The following RABEP1 variants were observed in gnomAD, a reference collection of about 807,000 sequenced individuals.
RABEP1 encodes the protein rabaptin, RAB GTPase binding effector protein 1.
Under a neutral mutation model 123.4 loss-of-function variants are expected in RABEP1, and 51 were observed. That is an observed-to-expected ratio of 0.41 (90% CI 0.33 to 0.52). RABEP1 has a LOEUF of 0.52. Among genes scored for constraint, RABEP1 ranks in the 20% least tolerant of loss-of-function variants. The probability of loss-of-function intolerance (pLI) is 0.16; values close to 1 mark genes in which losing one functional copy is unlikely to be tolerated. For synonymous variants in RABEP1, 347 were observed against 355.2 expected (o/e 0.98, Z 0.26); for missense variants, 888 against 996.3 (o/e 0.89, Z 1.46).
chr17:5,343,143 T>C (rs1283890450), intron 5 of RABEP1, among the ~76,000 whole-genome samples: 1 of 152,072 alleles, frequency 6.6e-6, no homozygotes, highest in African/African-American at 2.4e-5. Context: ...TCCCAGCTAC[T>C]TGGGGGGCTG....
intron 2 of RABEP1, among the ~76,000 whole-genome samples, chr17:5,312,926 G>A (rs2075258978): frequency 6.6e-6 from 1 of 152,068 alleles, no homozygotes. Flanking sequence ...GGCCAACATG[G>A]TGAAACCCTG....
intron 1 of RABEP1, among the ~76,000 whole-genome samples, chr17:5,295,545 A>G (rs1597329015): frequency 8.8e-6 from 1 of 113,718 alleles, no homozygotes; most frequent in African/African-American, 3.5e-5. Flanking sequence ...ATGTGTCTCT[A>G]AATATTTAGC....
chr17:5,308,588 A>G, intron 1 of RABEP1, 106 bp from the exon 2 acceptor site: 1 of 1,054,620 alleles, frequency 9.5e-7, no homozygotes. Flanking sequence ...AAGAAGCTTG[A>G]CTACTTGTTT....
At chr17:5,316,850 A>AT (rs2075302216) in intron 2 of RABEP1, among the ~76,000 whole-genome samples, 1 of 151,140 alleles carries the variant, frequency 6.6e-6, no homozygotes, top group Admixed American at 6.6e-5. Context: ...AAAAAAAAAA[A>AT]AAAAAATATA....
chr17:5,352,201 CTTTTTTTT>C (rs1240225426), intron 7 of RABEP1, among the ~76,000 whole-genome samples: 1 of 144,988 alleles, frequency 6.9e-6, no homozygotes, highest in African/African-American at 2.5e-5. Flanking sequence ...TTTTTTTTTT[CTTTTTTTT>C]GAGACAGGAT....
At chr17:5,314,444 C>T (rs542754143) in intron 2 of RABEP1, among the ~76,000 whole-genome samples, 61 of 149,486 alleles carry the variant, frequency 4.1e-4, no homozygotes, top group African/African-American at 1.4e-3. Flanking sequence ...GCTTTCACCA[C>T]GTTTTCCAGG....
At chr17:5,299,439 C>T (rs1452476230) in intron 1 of RABEP1, among the ~76,000 whole-genome samples, 1 of 149,480 alleles carries the variant, frequency 6.7e-6, no homozygotes, top group Non-Finnish European at 1.5e-5. Flanking sequence ...TATCCTTAAA[C>T]AGAGAACACT....
intron 5 of RABEP1, among the ~76,000 whole-genome samples, chr17:5,342,167 C>T (rs1157106863): frequency 6.6e-6 from 1 of 151,766 alleles, no homozygotes; most frequent in African/African-American, 2.4e-5. Flanking sequence ...CCAGTGATAA[C>T]CAGTTGAAGA....
chr17:5,346,859 G>T lies in RABEP1; in HGVS notation c.718G>T (p.Val240Phe). ...GACTGATCTAGAGATGTATGTAGCT[G>T]TTTTGAATACTCAGAAATCTGTTCT... ...CRTDLEMYVA[V>F]LNTQKSVLQE... The change falls in exon 6 of 18, where the codon GTT becomes TTT. Residue 240 changes from valine (V) to phenylalanine (F), a missense_variant. Transcript: ENST00000537505. 6.2e-7 allele frequency: 1 copy of T among 1,610,442 alleles called. No homozygotes were observed.
intron 8 of RABEP1, among the ~76,000 whole-genome samples, chr17:5,354,863 C>G (rs1276453651): frequency 6.6e-6 from 1 of 152,160 alleles, no homozygotes; most frequent in Non-Finnish European, 1.5e-5. Flanking sequence ...GCTTAACTCC[C>G]TGTAGCATAT....
chr17:5,339,680 G>A (rs1432371684), intron 5 of RABEP1, among the ~76,000 whole-genome samples: 1 of 151,602 alleles, frequency 6.6e-6, no homozygotes, highest in Non-Finnish European at 1.5e-5. Context: ...GCGCCTTGTA[G>A]TCCCTTCTAC....
chr17:5,357,960 C>T (rs1224474919), intron 8 of RABEP1, among the ~76,000 whole-genome samples: 1 of 152,080 alleles, frequency 6.6e-6, no homozygotes, highest in Non-Finnish European at 1.5e-5. Flanking sequence ...GGTATAGGGT[C>T]TGTTCTTAGC....
chr17:5,372,522 A>G (rs1451999908), intron 12 of RABEP1, among the ~76,000 whole-genome samples: 1 of 152,220 alleles, frequency 6.6e-6, no homozygotes, highest in Non-Finnish European at 1.5e-5. Flanking sequence ...GACTTCCAGT[A>G]TCTGGGCCTG....
At chr17:5,341,736 T>C (rs1188507572) in intron 5 of RABEP1, among the ~76,000 whole-genome samples, 3 of 152,110 alleles carry the variant, frequency 2.0e-5, no homozygotes, top group Non-Finnish European at 4.4e-5. Flanking sequence ...GGGGGAGAAA[T>C]ACATCATGAC....
At chr17:5,364,816 T>G (rs867871664) in intron 10 of RABEP1, among the ~76,000 whole-genome samples, 4 of 152,134 alleles carry the variant, frequency 2.6e-5, no homozygotes, top group Non-Finnish European at 5.9e-5. Context: ...GGTGTTAGTG[T>G]GGATTGTAGA....
At chr17:5,378,155 C>A in intron 14 of RABEP1, 22 bp from the exon 15 acceptor site, 4 of 1,531,382 alleles carry the variant, frequency 2.6e-6, no homozygotes, top group Non-Finnish European at 3.6e-6. Context: ...AATGCTAATA[C>A]ATCTCATTTT....
At chr17:5,372,838 C>T (rs964094463) in intron 12 of RABEP1, among the ~76,000 whole-genome samples, 5 of 152,068 alleles carry the variant, frequency 3.3e-5, no homozygotes, top group Non-Finnish European at 7.4e-5. Flanking sequence ...TCACTGCAAC[C>T]TCCGCCTCCT....
At chr17:5,314,759 C>T (rs2075280110) in intron 2 of RABEP1, among the ~76,000 whole-genome samples, 1 of 152,304 alleles carries the variant, frequency 6.6e-6, no homozygotes, top group East Asian at 1.9e-4. Context: ...ACCTTGTGAT[C>T]CGCCCACTTC....
rs1232091692 is a variant in RABEP1 at position 5,374,136 on chromosome 17, T to TAG, written c.2025+682_2025+683insAG. On this transcript the variant is annotated intron_variant, in intron 13 of 17. Coordinates refer to ENST00000537505, the MANE Select transcript of RABEP1 (RefSeq NM_004703.6). ...GGCTGGAGTGCAATGGCATCATCTCTGCTCACTGCAACCTCCGCCTCACAG... is the reference window on the plus strand; with the variant it reads ...GGCTGGAGTGCAATGGCATCATCTCTAGGCTCACTGCAACCTCCGCCTCACAG... Among the ~76,000 whole-genome samples, 860 of 151,532 alleles carry TAG rather than the reference T, an allele frequency of 5.7e-3. 6 individuals are homozygous for TAG. Among genetic ancestry groups the TAG allele is most frequent in the African/African-American group, 0.02 (813 of 41,042 alleles).
Sources: gnomAD v4.1 joint callset for allele counts (sites outside exome capture counted in the v4.1 genomes callset) on GRCh38, gnomAD v4.1.1 for gene constraint, MANE v1.5 for transcripts, NCBI Gene and HGNC (gene_info 2026-07-23, HGNC 2026-07-21) for gene names.